The following SPOCK1 variants were observed in gnomAD, a reference collection of about 807,000 sequenced individuals.
SPOCK1 encodes testican-1.
In SPOCK1, 23 loss-of-function variants were observed where a neutral mutation model predicts 55.3. The observed-to-expected ratio is 0.42, with a 90% CI of 0.30 to 0.59. SPOCK1 has a LOEUF of 0.59. Among genes scored for constraint, SPOCK1 ranks in the 20% least tolerant of loss-of-function variants. SPOCK1 has a pLI of 0.22. For missense variants in SPOCK1, 499 were observed against 552.5 expected (o/e 0.90, Z 0.97); for synonymous variants, 226 against 221.0 (o/e 1.02, Z -0.20).
intron 3 of SPOCK1, among the ~76,000 whole-genome samples, chr5:137,215,744 T>C (rs934488860): frequency 3.3e-5 from 5 of 152,216 alleles, no homozygotes; most frequent in Admixed American, 1.3e-4. Flanking sequence ...GGTGAAGCTC[T>C]GAGTTTGTCA....
intron 2 of SPOCK1, among the ~76,000 whole-genome samples, chr5:137,497,783 C>T (rs1193259028): frequency 2.0e-5 from 3 of 152,090 alleles, no homozygotes; most frequent in African/African-American, 7.2e-5. Flanking sequence ...TTCAAGATTC[C>T]GAGGGTCAAA....
chr5:137,073,061 A>T (rs1409247564), intron 5 of SPOCK1, among the ~76,000 whole-genome samples: 1 of 152,228 alleles, frequency 6.6e-6, no homozygotes, highest in Non-Finnish European at 1.5e-5. Context: ...CATCTGGAAG[A>T]AGCTATGCAC....
At chr5:137,273,340 C>T (rs1215236212) in intron 2 of SPOCK1, 16 of 978,792 alleles carry the variant, frequency 1.6e-5, no homozygotes, top group East Asian at 1.1e-4. Flanking sequence ...TACTTTAATG[C>T]TATGTCTACA....
chr5:137,448,309 C>T (rs1435131360), intron 2 of SPOCK1, among the ~76,000 whole-genome samples: 1 of 152,154 alleles, frequency 6.6e-6, no homozygotes, highest in African/African-American at 2.4e-5. Context: ...TCAGTAAGAA[C>T]CACACCTCAC....
chr5:137,034,933 G>T (rs984290313), intron 6 of SPOCK1, among the ~76,000 whole-genome samples: 1 of 152,208 alleles, frequency 6.6e-6, no homozygotes, highest in African/African-American at 2.4e-5. Flanking sequence ...GGCCCAGAGG[G>T]GTCCAGGTGT....
intron 2 of SPOCK1, among the ~76,000 whole-genome samples, chr5:137,368,019 A>G (rs1751114190): frequency 6.6e-6 from 1 of 152,252 alleles, no homozygotes; most frequent in Admixed American, 6.5e-5. Flanking sequence ...CCCAAAAGGC[A>G]GTTTCACTAT....
intron 5 of SPOCK1, among the ~76,000 whole-genome samples, chr5:137,088,268 T>G (rs1752993976): frequency 6.6e-6 from 1 of 152,226 alleles, no homozygotes; most frequent in Non-Finnish European, 1.5e-5. Context: ...CAGAGCAGTG[T>G]CATGGACTTG....
intron 5 of SPOCK1, among the ~76,000 whole-genome samples, chr5:137,112,143 C>T (rs1283172223): frequency 6.6e-6 from 1 of 152,202 alleles, no homozygotes; most frequent in Admixed American, 6.5e-5. Flanking sequence ...GAACAGCTGG[C>T]TATCCCACCT....
chr5:137,344,894 A>C (rs1258775170), intron 2 of SPOCK1, among the ~76,000 whole-genome samples: 3 of 152,196 alleles, frequency 2.0e-5, no homozygotes, highest in African/African-American at 7.2e-5. Context: ...TTCCAAAATG[A>C]TGGGCTTGCA....
At chr5:137,049,061 G>A (rs1398748997) in intron 6 of SPOCK1, among the ~76,000 whole-genome samples, 1 of 139,698 alleles carries the variant, frequency 7.2e-6, no homozygotes, top group Non-Finnish European at 1.5e-5. Context: ...TTTCTCTCTG[G>A]CTGCCCTTAA....
At chr5:137,306,293 T>C (rs2127139852) in intron 2 of SPOCK1, among the ~76,000 whole-genome samples, 2 of 152,352 alleles carry the variant, frequency 1.3e-5, no homozygotes, top group Admixed American at 1.3e-4. Context: ...TTGGTGCTCG[T>C]TGCTGCCTGT....
intron 2 of SPOCK1, among the ~76,000 whole-genome samples, chr5:137,379,381 CAT>C (rs1751407281): frequency 6.6e-6 from 1 of 152,078 alleles, no homozygotes; most frequent in Non-Finnish European, 1.5e-5. Flanking sequence ...AGAGATCAAA[CAT>C]ATACAGATTT....
intron 6 of SPOCK1, among the ~76,000 whole-genome samples, chr5:137,005,891 T>C (rs1344170838): frequency 1.3e-5 from 2 of 152,220 alleles, no homozygotes; most frequent in African/African-American, 4.8e-5. Context: ...TTTACATGTT[T>C]AAAAGGCACA....
chr5:137,298,352 G>A (rs1030373692), intron 2 of SPOCK1, among the ~76,000 whole-genome samples: 1 of 152,086 alleles, frequency 6.6e-6, no homozygotes, highest in African/African-American at 2.4e-5. Flanking sequence ...TTCCAGTGTG[G>A]TCAGAGAACA....
rs894094229 is a variant in SPOCK1 at position 136,976,795 on chromosome 5, G to T, written c.*1859C>A. ...GTTATTTACGAAGCCAAAGGACTTT[G>T]CTATATCAAGTAGTTCATTTCTTAT... On this transcript the variant is annotated 3_prime_UTR_variant, in exon 11 of 11. Coordinates refer to ENST00000394945, the MANE Select transcript of SPOCK1 (RefSeq NM_004598.4). 1.2e-4 allele frequency: 19 copies of T among 152,188 alleles called. No homozygotes were observed. Among genetic ancestry groups the T allele is most frequent in the African/African-American group, 3.6e-4 (15 of 41,456 alleles). The allele number at this position is 152,188 out of a possible 1,614,324, so 9.4% of individuals were successfully genotyped here. A position where few individuals can be genotyped will look rare whatever the true frequency, so the allele number is the denominator to read the frequency against.
At chr5:137,143,843 A>C (rs988164439) in intron 3 of SPOCK1, among the ~76,000 whole-genome samples, 2 of 152,136 alleles carry the variant, frequency 1.3e-5, no homozygotes, top group South Asian at 2.1e-4. Context: ...CTTAAAAATA[A>C]ATTGCTAATG....
chr5:137,464,560 T>G (rs1195419575), intron 2 of SPOCK1, among the ~76,000 whole-genome samples: 2 of 123,812 alleles, frequency 1.6e-5, no homozygotes, highest in Non-Finnish European at 3.2e-5. Context: ...TGAGAGCAAC[T>G]GAGGAGGTCA....
At chr5:137,194,462 G>A (rs1005105891) in intron 3 of SPOCK1, among the ~76,000 whole-genome samples, 1 of 152,224 alleles carries the variant, frequency 6.6e-6, no homozygotes, top group African/African-American at 2.4e-5. Context: ...TTTCCTCAAA[G>A]CAGAGTGGCG....
At chr5:137,295,120 C>T (rs75100712) in intron 2 of SPOCK1, among the ~76,000 whole-genome samples, 75 of 152,318 alleles carry the variant, frequency 4.9e-4, no homozygotes, top group African/African-American at 1.7e-3. Flanking sequence ...ACTTGACCCA[C>T]GGGAGATACT....
Sources: gnomAD v4.1 joint callset for allele counts (sites outside exome capture counted in the v4.1 genomes callset) on GRCh38, gnomAD v4.1.1 for gene constraint, MANE v1.5 for transcripts, NCBI Gene and HGNC (gene_info 2026-07-23, HGNC 2026-07-21) for gene names.